The following TLN2 variants were observed in gnomAD, a reference collection of about 807,000 sequenced individuals.
TLN2 encodes the protein talin 2, also known as talin-2.
Under a neutral mutation model 294.7 loss-of-function variants are expected in TLN2, and 118 were observed. The ratio of observed to expected loss-of-function variants is 0.40; its 90% confidence interval spans 0.34 to 0.47. The LOEUF is 0.47. Ranked by LOEUF, TLN2 falls within the 20% of genes least tolerant of loss-of-function variation. The pLI is 0.84. For synonymous variants in TLN2, 1,431 were observed against 1,304.5 expected (o/e 1.10, Z -2.09); for missense variants, 3,083 against 3,282.2 (o/e 0.94, Z 1.48).
chr15:62,658,112 G>C (rs2053417776), intron 9 of TLN2: 1 of 374,254 alleles, frequency 2.7e-6, no homozygotes, highest in Non-Finnish European at 4.8e-6. Context: ...GAAATTCAGT[G>C]ATCTGTGTCC....
chr15:62,815,403 A>G lies in TLN2; in HGVS notation c.6772-4113A>G, dbSNP rs576770669. On this transcript the variant is annotated intron_variant, in intron 52 of 58. Transcript: ENST00000636159. ...TGAAAAATTGATCCCGTTTTTAACAATTCAAGGAGAATCGATGGAGATTCC... is the reference window on the plus strand; with the variant it reads ...TGAAAAATTGATCCCGTTTTTAACAGTTCAAGGAGAATCGATGGAGATTCC... 2.0e-5 allele frequency among the ~76,000 whole-genome samples: 3 copies of G among 152,336 alleles called. No individual in the cohort carries two copies. In the South Asian group the frequency reaches 6.2e-4, roughly 32 times the overall value.
intron 1 of TLN2, among the ~76,000 whole-genome samples, chr15:62,507,357 G>T (rs1029577549): frequency 6.6e-6 from 1 of 152,226 alleles, no homozygotes; most frequent in Non-Finnish European, 1.5e-5. Context: ...ATCTCATTGA[G>T]ACCCCCGTGT....
chr15:62,833,547 C>G lies in TLN2; in HGVS notation c.7046C>G (p.Ala2349Gly). 6.2e-7 allele frequency: 1 copy of G among 1,614,172 alleles called. No homozygotes were observed. The highest frequency in any genetic ancestry group is 8.5e-7 in the Non-Finnish European group (1 of 1,180,030). Residue 2349 changes from alanine to glycine, a missense_variant, in exon 55 of 59, where the codon GCT becomes GGT. Transcript: ENST00000636159. The part of the protein sequence containing the change: ...TLDFEEQILE[A>G]AKSIAAATSA... Reference sequence around the variant, plus strand: ...GACTTTGAGGAACAGATCTTGGAAGCTGCTAAATCCATTGCTGCTGCCACA... The same window carrying G: ...GACTTTGAGGAACAGATCTTGGAAGGTGCTAAATCCATTGCTGCTGCCACA...
chr15:62,554,760 G>C (rs968283938), intron 1 of TLN2, among the ~76,000 whole-genome samples: 13 of 152,228 alleles, frequency 8.5e-5, no homozygotes, highest in African/African-American at 3.1e-4. Context: ...GACAGGCCTC[G>C]AGCATTGTTA....
chr15:62,699,608 C>T (rs1567391062), intron 16 of TLN2, among the ~76,000 whole-genome samples: 1 of 152,168 alleles, frequency 6.6e-6, no homozygotes, highest in Non-Finnish European at 1.5e-5. Flanking sequence ...GTCCCAGGAC[C>T]AGCAGCATTG....
chr15:62,756,652 C>CT (rs2062271498), intron 37 of TLN2, among the ~76,000 whole-genome samples: 1 of 152,152 alleles, frequency 6.6e-6, no homozygotes, highest in Admixed American at 6.6e-5. Flanking sequence ...TTTGGCTTTG[C>CT]TGCTGGGACA....
At chr15:62,602,267 C>G (rs2047066736) in intron 2 of TLN2, among the ~76,000 whole-genome samples, 1 of 152,100 alleles carries the variant, frequency 6.6e-6, no homozygotes, top group Non-Finnish European at 1.5e-5. Flanking sequence ...GCCAAAAATC[C>G]AGTTCTCAGT....
intron 22 of TLN2, among the ~76,000 whole-genome samples, chr15:62,714,531 C>T (rs1250130162): frequency 6.6e-6 from 1 of 152,080 alleles, no homozygotes; most frequent in Admixed American, 6.6e-5. Context: ...GACTGTTTAT[C>T]AGGCCAATTC....
intron 1 of TLN2, among the ~76,000 whole-genome samples, chr15:62,537,250 C>T (rs775207256): frequency 1.3e-5 from 2 of 152,054 alleles, no homozygotes; most frequent in African/African-American, 2.4e-5. Flanking sequence ...GATCTGACCT[C>T]GTGATCCGCC....
chr15:62,559,402 A>G (rs541222733), intron 1 of TLN2, among the ~76,000 whole-genome samples: 1 of 152,170 alleles, frequency 6.6e-6, no homozygotes, highest in Admixed American at 6.5e-5. Context: ...TGTTGTCCCC[A>G]ATGTTCAGCT....
At chr15:62,641,095 C>G (rs926894217) in intron 3 of TLN2, among the ~76,000 whole-genome samples, 1 of 151,998 alleles carries the variant, frequency 6.6e-6, no homozygotes, top group Non-Finnish European at 1.5e-5. Flanking sequence ...AGCCACTGCA[C>G]CCAGCCCACA....
In TLN2 at chr15:62,545,434, G is replaced by T. The variant is rs546698774; in HGVS notation, c.-237-44253G>T. Among the ~76,000 whole-genome samples, 53 of 152,140 alleles carry T rather than the reference G, an allele frequency of 3.5e-4. 1 individual carries two copies. Among genetic ancestry groups the T allele is most frequent in the Admixed American group, 2.9e-3 (45 of 15,278 alleles). On this transcript the variant is annotated intron_variant, in intron 1 of 58. Coordinates refer to ENST00000636159, the MANE Select transcript of TLN2 (RefSeq NM_015059.3). Reference sequence around the variant, plus strand: ...AGGAAAAGGTGGGTTATCAGGCTAGGCAACATTTCCAGTGAGGCAGCATCT... The same window carrying T: ...AGGAAAAGGTGGGTTATCAGGCTAGTCAACATTTCCAGTGAGGCAGCATCT...
chr15:62,741,152 G>A (rs979272359), intron 32 of TLN2, among the ~76,000 whole-genome samples: 1 of 152,166 alleles, frequency 6.6e-6, no homozygotes, highest in Admixed American at 6.5e-5. Context: ...AAGATGAAAA[G>A]CAGTGCTCAT....
intron 47 of TLN2, 117 bp from the exon 48 acceptor site, chr15:62,797,102 T>C (rs1195609745): frequency 1.8e-6 from 2 of 1,130,312 alleles, no homozygotes; most frequent in African/African-American, 3.1e-5. Flanking sequence ...ACACAGCACT[T>C]CTCTTCTTCA....
intron 36 of TLN2, chr15:62,754,905 G>A (rs1247057269): frequency 6.6e-6 from 1 of 152,200 alleles, no homozygotes; most frequent in Non-Finnish European, 1.5e-5. Flanking sequence ...ACCTTGATAT[G>A]TATTTTTGTC....
intron 1 of TLN2, among the ~76,000 whole-genome samples, chr15:62,546,313 A>G (rs1470629111): frequency 6.6e-6 from 1 of 152,180 alleles, no homozygotes; most frequent in African/African-American, 2.4e-5. Context: ...GGCACGGCTA[A>G]TCTTCATCTG....
intron 50 of TLN2, among the ~76,000 whole-genome samples, chr15:62,804,773 A>G (rs2066158079): frequency 6.6e-6 from 1 of 152,082 alleles, no homozygotes; most frequent in Admixed American, 6.5e-5. Flanking sequence ...TGGGATGCCA[A>G]CTGAGCCCAC....
At chr15:62,733,693 T>C (rs1269471513) in intron 28 of TLN2, among the ~76,000 whole-genome samples, 1 of 152,266 alleles carries the variant, frequency 6.6e-6, no homozygotes, top group African/African-American at 2.4e-5. Context: ...GCTACTATAT[T>C]TGATATCACT....
chr15:62,597,221 A>G (rs573065354), intron 2 of TLN2, among the ~76,000 whole-genome samples: 77 of 152,242 alleles, frequency 5.1e-4, no homozygotes, highest in African/African-American at 1.9e-3. Context: ...AGGCAGCTGT[A>G]CCTTTAATTT....
Sources: gnomAD v4.1 joint callset for allele counts (sites outside exome capture counted in the v4.1 genomes callset) on GRCh38, gnomAD v4.1.1 for gene constraint, MANE v1.5 for transcripts, NCBI Gene and HGNC (gene_info 2026-07-23, HGNC 2026-07-21) for gene names.